UNC13B: variants seen among roughly 807,000 people sequenced by gnomAD.
The protein encoded by UNC13B is protein unc-13 homolog B.
UNC13B carries 144 observed loss-of-function variants against 211.0 expected under a neutral mutation model. The ratio of observed to expected loss-of-function variants is 0.68; its 90% CI spans 0.60 to 0.78. The LOEUF is 0.78. Ranked by LOEUF, UNC13B falls within the 30% of genes least tolerant of loss-of-function variation. The pLI is 0.00. For missense variants in UNC13B, 1,777 were observed against 2,002.0 expected, an observed-to-expected ratio of 0.89 and a Z score of 2.14; for synonymous variants, 709 against 725.8, an observed-to-expected ratio of 0.98 and a Z score of 0.37.
chr9:35,344,243 C>T (rs1469523473), intron 11 of UNC13B, among the ~76,000 whole-genome samples: 1 of 152,108 alleles, frequency 6.6e-6, no homozygotes, highest in African/African-American at 2.4e-5. Flanking sequence ...TGCTGCCATG[C>T]CCCCACACTC....
chr9:35,238,922 T>G (rs981731469), intron 5 of UNC13B, among the ~76,000 whole-genome samples: 44 of 151,940 alleles, frequency 2.9e-4, no homozygotes, highest in African/African-American at 9.6e-4. Context: ...TTTTTTTTTT[T>G]TTGATGTTAT....
rs1835944945 is a variant in UNC13B, at chr9:35,397,259, G to A, written c.11625G>A (p.Leu3875=). ...AGAGCTTTGAGATCATCCGGAAGCT[G>A]GAATGCCCAGACCCCAGCATCCTTG... ...LNQSFEIIRK[L]ECPDPSILAH... The change falls in exon 29 of 40, where the codon CTG becomes CTA. Residue 3875 remains leucine (L), a synonymous_variant. Transcript: ENST00000635942. 6.2e-7 allele frequency: 1 copy of A among 1,614,046 alleles called. No homozygotes were observed. Among genetic ancestry groups the A allele is most frequent in the Non-Finnish European group, 8.5e-7 (1 of 1,180,040 alleles).
At chr9:35,348,295 C>T (rs1832495681) in intron 11 of UNC13B, among the ~76,000 whole-genome samples, 1 of 152,172 alleles carries the variant, frequency 6.6e-6, no homozygotes, top group Non-Finnish European at 1.5e-5. Context: ...GCCTCACCAG[C>T]ATTGGAAAAA....
rs150793163 is a variant in UNC13B at position 35,369,441 on chromosome 9, A to G, written c.9462-877A>G. Among the ~76,000 whole-genome samples the G allele has an allele frequency of 1.8e-4, 27 of 152,372 alleles. No homozygotes were observed. In the East Asian group the frequency reaches 5.0e-3, roughly 28 times the overall value. On this transcript the variant is annotated intron_variant, in intron 12 of 39. Coordinates refer to ENST00000635942, the MANE Select transcript of UNC13B (RefSeq NM_001371189.2). The stretch of plus-strand genomic sequence containing the variant: ...GGAGAAGACATAGTACATTAATAGA[A>G]GAACTGGAGTTAAAATCCAGGTTAT...
At chr9:35,397,459 ATGGT>A in intron 29 of UNC13B, 149 bp downstream of exon 29, 1 of 1,392,928 alleles carries the variant, frequency 7.2e-7, no homozygotes, top group Non-Finnish European at 9.8e-7. Flanking sequence ...GGGCAGACAG[ATGGT>A]TCTGTCTTAG....
chr9:35,176,025 CAAAAAAAAAA>C (rs10608620), intron 1 of UNC13B, among the ~76,000 whole-genome samples: 1 of 96,194 alleles, frequency 1.0e-5, no homozygotes, highest in Admixed American at 1.1e-4. Flanking sequence ...GACTCTGTCT[CAAAAAAAAAA>C]AAAAAAAAAA....
intron 7 of UNC13B, among the ~76,000 whole-genome samples, chr9:35,264,559 A>G (rs1281448852): frequency 6.6e-6 from 1 of 152,196 alleles, no homozygotes; most frequent in African/African-American, 2.4e-5. Flanking sequence ...TGGACTTCTT[A>G]GGTTCTAGAA....
intron 10 of UNC13B, among the ~76,000 whole-genome samples, chr9:35,311,189 C>A (rs1187624171): frequency 3.3e-5 from 5 of 152,178 alleles, no homozygotes; most frequent in African/African-American, 1.2e-4. Context: ...CCAGGCTGGT[C>A]TTGAACTCCT....
intron 1 of UNC13B, among the ~76,000 whole-genome samples, chr9:35,170,689 C>T (rs1821289659): frequency 1.3e-5 from 2 of 152,074 alleles, no homozygotes; most frequent in Non-Finnish European, 2.9e-5. Flanking sequence ...CCAGGCTGGT[C>T]TTGAACTCTT....
chr9:35,196,549 G>A (rs1448542789), intron 1 of UNC13B, among the ~76,000 whole-genome samples: 1 of 152,150 alleles, frequency 6.6e-6, no homozygotes, highest in Non-Finnish European at 1.5e-5. Context: ...TCTTGGGGAG[G>A]ATGCTCTGCC....
At chr9:35,351,923 C>T (rs1232674737) in intron 11 of UNC13B, 4 of 1,232,202 alleles carry the variant, frequency 3.2e-6, no homozygotes, top group African/African-American at 1.5e-5. Context: ...AGGCTGTAGC[C>T]GTGAACAGCG....
At chr9:35,213,088 C>T (rs1375884384) in intron 1 of UNC13B, among the ~76,000 whole-genome samples, 2 of 152,316 alleles carry the variant, frequency 1.3e-5, no homozygotes, top group South Asian at 4.1e-4. Context: ...AACTGTGTTC[C>T]AGGGCAGTGC....
intron 6 of UNC13B, among the ~76,000 whole-genome samples, chr9:35,250,126 C>T (rs920571826): frequency 5.3e-5 from 8 of 151,548 alleles, no homozygotes; most frequent in South Asian, 2.1e-4. Flanking sequence ...TTTTATCTTT[C>T]GTCTTTCTTC....
chr9:35,314,019 A>G (rs1006348333), intron 11 of UNC13B, 30 bp downstream of exon 11: 2 of 1,576,248 alleles, frequency 1.3e-6, no homozygotes, highest in Non-Finnish European at 1.7e-6. Context: ...ACTGGTTGGG[A>G]CAATTTTTCC....
At chr9:35,388,232 AC>A (rs1364194369) in intron 24 of UNC13B, among the ~76,000 whole-genome samples, 1 of 152,100 alleles carries the variant, frequency 6.6e-6, no homozygotes, top group Admixed American at 6.6e-5. Context: ...ATATGGTGAA[AC>A]CCTGTCTCTA....
chr9:35,353,060 G>A, intron 11 of UNC13B: 1 of 1,232,192 alleles, frequency 8.1e-7, no homozygotes, highest in South Asian at 4.1e-5. Flanking sequence ...CCTTTTGGCA[G>A]ACAAGTCCAG....
intron 6 of UNC13B, among the ~76,000 whole-genome samples, chr9:35,258,609 C>T (rs1827076953): frequency 6.6e-6 from 1 of 152,208 alleles, no homozygotes; most frequent in Non-Finnish European, 1.5e-5. Context: ...CAGGTTTTCA[C>T]TTGCATCACC....
chr9:35,389,829 G>A lies in UNC13B; in HGVS notation c.11095-17G>A. On this transcript the variant is annotated splice_polypyrimidine_tract_variant and intron_variant, in intron 24 of 39. Transcript: ENST00000635942. ...TGACTCTTTCTCCCTCTCTCTCACT[G>A]TGTCCTCTGGATCAAGAAGCAGGAG... 6.2e-7 allele frequency: 1 copy of A among 1,613,816 alleles called. No homozygotes were observed. The highest frequency in any genetic ancestry group is 1.3e-5 in the African/African-American group (1 of 75,030).
chr9:35,392,079 T>G (rs1193040612), intron 26 of UNC13B, among the ~76,000 whole-genome samples: 1 of 152,308 alleles, frequency 6.6e-6, no homozygotes, highest in Non-Finnish European at 1.5e-5. Flanking sequence ...CCAAACTACT[T>G]AATTTTTATG....
Sources: gnomAD v4.1 joint callset for allele counts (sites outside exome capture counted in the v4.1 genomes callset) on GRCh38, gnomAD v4.1.1 for gene constraint, MANE v1.5 for transcripts, NCBI Gene and HGNC (gene_info 2026-07-23, HGNC 2026-07-21) for gene names.